DMXL1: variants seen among roughly 807,000 people sequenced by gnomAD.
DMXL1 encodes dmX-like protein 1.
In DMXL1, 99 loss-of-function variants were observed where a neutral mutation model predicts 319.2. The ratio of observed to expected loss-of-function variants is 0.31; its 90% CI spans 0.26 to 0.37. The LOEUF (loss-of-function observed/expected upper bound fraction) is 0.37. Ranked by LOEUF, DMXL1 falls within the 10% of genes least tolerant of loss-of-function variation. The pLI is 1.00. For missense variants in DMXL1, 3,745 were observed against 3,595.6 expected (o/e 1.04, Z -1.06); for synonymous variants, 1,385 against 1,235.2 (o/e 1.12, Z -2.54).
At position 119,152,903 on chromosome 5, in the gene DMXL1, A is replaced by G. The variant is rs545628294; in HGVS notation, c.4702+867A>G. 2.7e-5 allele frequency among the ~76,000 whole-genome samples: 4 copies of G among 150,702 alleles called. No homozygotes were observed. The East Asian group carries it at 7.8e-4, about 29-fold the overall frequency. On this transcript the variant is annotated intron_variant, in intron 19 of 43. Coordinates refer to ENST00000539542, the MANE Select transcript of DMXL1 (RefSeq NM_001290321.3). Reference sequence around the variant, plus strand: ...TCTCTGTCTCTTTGTTTCTCTCACTATTTTCTTTTTCTCATTTTGCATATA... The same window carrying G: ...TCTCTGTCTCTTTGTTTCTCTCACTGTTTTCTTTTTCTCATTTTGCATATA...
At chr5:119,155,221 T>C (rs945588220) in intron 19 of DMXL1, among the ~76,000 whole-genome samples, 3 of 152,226 alleles carry the variant, frequency 2.0e-5, no homozygotes, top group African/African-American at 2.4e-5. Flanking sequence ...TTTTAAGTCT[T>C]ATCATTTAAG....
chr5:119,102,273 A>G (rs1242865545), intron 3 of DMXL1: 1 of 264,364 alleles, frequency 3.8e-6, no homozygotes, highest in Non-Finnish European at 7.1e-6. Flanking sequence ...TCAGTAACCT[A>G]AAGTTTGGCA....
At chr5:119,145,013 T>C (rs904538634) in intron 15 of DMXL1, among the ~76,000 whole-genome samples, 5 of 151,780 alleles carry the variant, frequency 3.3e-5, no homozygotes, top group African/African-American at 1.2e-4. Context: ...GTCCTTAATT[T>C]AAAAACTAAT....
At chr5:119,151,519 A>G (rs1769790337) in intron 18 of DMXL1, among the ~76,000 whole-genome samples, 1 of 152,200 alleles carries the variant, frequency 6.6e-6, no homozygotes, top group South Asian at 2.1e-4. Context: ...AGGAAAAAAT[A>G]TCAGGCCCTC....
chr5:119,129,166 G>T, intron 9 of DMXL1, 45 bp from the exon 10 acceptor site: 1 of 1,234,688 alleles, frequency 8.1e-7, no homozygotes, highest in Non-Finnish European at 1.1e-6. Context: ...TGTTTCATAT[G>T]CTAGAAGGTA....
chr5:119,135,480 C>T (rs893114130), intron 13 of DMXL1, among the ~76,000 whole-genome samples: 2 of 152,086 alleles, frequency 1.3e-5, no homozygotes, highest in Non-Finnish European at 1.5e-5. Context: ...TTTGGGAAAA[C>T]GGACAGCCAG....
intron 2 of DMXL1, among the ~76,000 whole-genome samples, chr5:119,101,072 C>A (rs1035319315): frequency 6.6e-6 from 1 of 152,094 alleles, no homozygotes; most frequent in African/African-American, 2.4e-5. Context: ...TGAGCCACCG[C>A]GGCCGGCCTT....
intron 28 of DMXL1, among the ~76,000 whole-genome samples, chr5:119,180,455 A>G (rs1055849394): frequency 6.6e-6 from 1 of 150,582 alleles, no homozygotes; most frequent in Non-Finnish European, 1.5e-5. Flanking sequence ...TTTGCTTACT[A>G]CTTTGATGGC....
At chr5:119,093,635 C>G (rs558279445) in intron 1 of DMXL1, among the ~76,000 whole-genome samples, 70 of 152,212 alleles carry the variant, frequency 4.6e-4, no homozygotes, top group South Asian at 8.3e-4. Context: ...TTCTTTAAAT[C>G]AAAAGCTAGA....
chr5:119,116,832 C>G (rs1760952016), intron 7 of DMXL1, among the ~76,000 whole-genome samples: 1 of 152,006 alleles, frequency 6.6e-6, no homozygotes, highest in African/African-American at 2.4e-5. Flanking sequence ...AATACCCTAC[C>G]TTATTCTTCT....
Position 119,081,585 on chromosome 5 carries a change from A to G in DMXL1, c.87+9929A>G, listed in dbSNP as rs914209474. 1.9e-5 allele frequency: 19 copies of G among 985,314 alleles called. No individual in the cohort carries two copies. The African/African-American group carries it at 2.1e-4, about 11-fold the overall frequency. 61.0% of individuals were successfully genotyped at this position (985,314 alleles called of 1,614,324 possible). A position where few individuals can be genotyped will look rare whatever the true frequency, so the allele number is the denominator to read the frequency against. The stretch of plus-strand genomic sequence containing the variant: ...TTTTGTTTTTATAGGAGGAATAAGA[A>G]CTCCTAAGTGTTGGATGCAAGAAGT... On this transcript the variant is annotated intron_variant, in intron 1 of 43. Coordinates refer to ENST00000539542, the MANE Select transcript of DMXL1 (RefSeq NM_001290321.3).
chr5:119,133,445 C>T (rs1240610607), intron 11 of DMXL1, 49 bp from the exon 12 acceptor site: 3 of 1,577,946 alleles, frequency 1.9e-6, no homozygotes, highest in South Asian at 2.4e-5. Flanking sequence ...TTTTCTAATA[C>T]CTCTTTATAT....
intron 1 of DMXL1, among the ~76,000 whole-genome samples, chr5:119,084,422 T>C (rs899862778): frequency 6.6e-6 from 1 of 152,222 alleles, no homozygotes; most frequent in Non-Finnish European, 1.5e-5. Context: ...GCCTGACCTT[T>C]TCCCCAAAAG....
In DMXL1 at chr5:119,116,356, C is replaced by T; in HGVS notation, c.743+20C>T. On this transcript the variant is annotated intron_variant, in intron 7 of 43. Transcript: ENST00000539542. Reference sequence around the variant, plus strand: ...GCCTAGGTCAGTGGATTGGTCATTTCCCTCCACATATTAAGGGAGCATCAT... The same window carrying T: ...GCCTAGGTCAGTGGATTGGTCATTTTCCTCCACATATTAAGGGAGCATCAT... 2 of 1,606,390 alleles carry T rather than the reference C, an allele frequency of 1.2e-6. No homozygotes were observed. Among genetic ancestry groups the T allele is most frequent in the Non-Finnish European group, 1.7e-6 (2 of 1,175,506 alleles).
chr5:119,148,366 A>C (rs946688030), intron 17 of DMXL1, among the ~76,000 whole-genome samples: 1 of 152,166 alleles, frequency 6.6e-6, no homozygotes, highest in African/African-American at 2.4e-5. Context: ...CTGTGAAACA[A>C]ATTCGGGATT....
At chr5:119,216,694 T>C (rs982529626) in intron 34 of DMXL1, among the ~76,000 whole-genome samples, 4 of 152,168 alleles carry the variant, frequency 2.6e-5, no homozygotes, top group African/African-American at 9.6e-5. Flanking sequence ...TGTTTTTTTA[T>C]GTGTAAAAAA....
At chr5:119,231,929 C>G (rs1357410614) in intron 38 of DMXL1, among the ~76,000 whole-genome samples, 2 of 152,252 alleles carry the variant, frequency 1.3e-5, no homozygotes, top group South Asian at 2.1e-4. Flanking sequence ...ATGCAAGGCC[C>G]TGGAGCTGTC....
chr5:119,220,695 G>A, intron 36 of DMXL1, 102 bp downstream of exon 36: 2 of 1,404,746 alleles, frequency 1.4e-6, no homozygotes, highest in Non-Finnish European at 1.9e-6. Context: ...TGTATAGATT[G>A]TAAGCAGAGT....
At chr5:119,101,162 C>G (rs1049414237) in intron 2 of DMXL1, among the ~76,000 whole-genome samples, 1 of 152,068 alleles carries the variant, frequency 6.6e-6, no homozygotes, top group Non-Finnish European at 1.5e-5. Flanking sequence ...ATTAAAGGCC[C>G]AAACTAAACA....
Sources: gnomAD v4.1 joint callset for allele counts (sites outside exome capture counted in the v4.1 genomes callset) on GRCh38, gnomAD v4.1.1 for gene constraint, MANE v1.5 for transcripts, NCBI Gene and HGNC (gene_info 2026-07-23, HGNC 2026-07-21) for gene names.